Variants in ANKRD30B observed in about 807,000 individuals in gnomAD.
ANKRD30B encodes ankyrin repeat domain-containing protein 30B.
ANKRD30B carries 144 observed loss-of-function variants against 202.2 expected under a neutral mutation model. The ratio of observed to expected loss-of-function variants is 0.71; its 90% CI spans 0.62 to 0.82. ANKRD30B has a LOEUF of 0.82. Ranked by LOEUF, ANKRD30B falls within the 40% of genes least tolerant of loss-of-function variation. ANKRD30B has a pLI of 0.00. For missense variants in ANKRD30B, 1,487 were observed against 1,669.1 expected, an observed-to-expected ratio of 0.89 and a Z score of 1.90; for synonymous variants, 508 against 561.3, an observed-to-expected ratio of 0.91 and a Z score of 1.34.
intron 7 of ANKRD30B, among the ~76,000 whole-genome samples, chr18:14,767,692 TCAGAAA>T (rs1215719791): frequency 1.5e-5 from 2 of 133,120 alleles, no homozygotes; most frequent in African/African-American, 3.0e-5. Context: ...TGGTTGGGAC[TCAGAAA>T]CAGACCATTT....
chr18:14,838,010 C>T (rs149577014), intron 36 of ANKRD30B, among the ~76,000 whole-genome samples: 2,426 of 152,066 alleles, frequency 0.016, 68 homozygotes, highest in African/African-American at 0.056. Context: ...AGCGAGACTC[C>T]ATCTCAAAAA....
chr18:14,788,665 A>G (rs1427100072), intron 15 of ANKRD30B, among the ~76,000 whole-genome samples: 3 of 151,940 alleles, frequency 2.0e-5, no homozygotes, highest in African/African-American at 7.3e-5. Context: ...TGTTGTTGCA[A>G]TAGTTTACTG....
rs571183791 is a variant in ANKRD30B at position 14,803,869 on chromosome 18, C to T, written c.2284+45C>T. On this transcript the variant is annotated intron_variant, in intron 24 of 43. Transcript: ENST00000690538. ...TAAAAAGTCATTTGACCAAATGTTT[C>T]TCTGAACTGATGAGGAGGGATATCC... is the stretch of plus-strand genomic sequence containing the variant. 3.2e-5 allele frequency: 48 copies of T among 1,488,356 alleles called. 2 individuals carry two copies. The South Asian group carries it at 5.6e-4, about 17-fold the overall frequency. The allele number at this position is 1,488,356 out of a possible 1,614,324, so 92.2% of individuals were successfully genotyped here.
rs180682411 is a variant in ANKRD30B at position 14,823,488 on chromosome 18, G to T, written c.2743+811G>T. The stretch of plus-strand genomic sequence containing the variant: ...TTCTTGTTTTTCTGATTAGGTGATT[G>T]TGTGTGTGTGCGTGTGTGACTTATA... On this transcript the variant is annotated intron_variant, in intron 32 of 43. Transcript: ENST00000690538. Among the ~76,000 whole-genome samples, 258 of 151,784 alleles carry T rather than the reference G, an allele frequency of 1.7e-3. 1 individual carries two copies. Among genetic ancestry groups the T allele is most frequent in the African/African-American group, 5.7e-3 (237 of 41,388 alleles).
chr18:14,860,349 G>T, the ANKRD30B span, among the ~76,000 whole-genome samples: 2 of 103,818 alleles, frequency 1.9e-5, no homozygotes, highest in African/African-American at 7.4e-5. Context: ...TCCCAGACAG[G>T]GCTGCCGGGC....
intron 30 of ANKRD30B, among the ~76,000 whole-genome samples, chr18:14,819,770 G>C (rs1300183199): frequency 1.3e-5 from 2 of 152,162 alleles, no homozygotes; most frequent in African/African-American, 2.4e-5. Context: ...CTGTAGCCTT[G>C]TAGTATAGTT....
chr18:14,935,043 A>G, the ANKRD30B span, among the ~76,000 whole-genome samples: 2 of 152,082 alleles, frequency 1.3e-5, no homozygotes, highest in Non-Finnish European at 2.9e-5. Flanking sequence ...GCTCAGGCCA[A>G]CCCACCCCAC....
intron 24 of ANKRD30B, among the ~76,000 whole-genome samples, chr18:14,807,024 C>T (rs1036424685): frequency 6.6e-6 from 1 of 150,932 alleles, no homozygotes; most frequent in African/African-American, 2.4e-5. Flanking sequence ...CACTTTTTTT[C>T]TAAAACACAT....
At chr18:14,770,252 G>C (rs796783070) in intron 8 of ANKRD30B, among the ~76,000 whole-genome samples, 1 of 151,966 alleles carries the variant, frequency 6.6e-6, no homozygotes, top group Non-Finnish European at 1.5e-5. Flanking sequence ...TAAAAGGCAC[G>C]TGGAATTTTA....
chr18:14,837,876 C>T (rs1416689706), intron 36 of ANKRD30B, among the ~76,000 whole-genome samples, 200 bp downstream of exon 36: 7 of 152,220 alleles, frequency 4.6e-5, no homozygotes, highest in Admixed American at 1.3e-4. Flanking sequence ...TTTAGCTGGG[C>T]ATGGTGGCGG....
the ANKRD30B span, chr18:14,888,720 G>T: frequency 2.2e-5 from 18 of 836,948 alleles, no homozygotes; most frequent in Non-Finnish European, 1.8e-5. Context: ...TATTGCCATA[G>T]GAAGAACGTG....
At chr18:14,882,027 G>C in the ANKRD30B span, among the ~76,000 whole-genome samples, 2 of 151,938 alleles carry the variant, frequency 1.3e-5, no homozygotes, top group Admixed American at 1.3e-4. Context: ...ATGGTCTATC[G>C]ATTTTATTTA....
the ANKRD30B span, among the ~76,000 whole-genome samples, chr18:14,873,977 G>C: frequency 3.9e-5 from 6 of 152,124 alleles, no homozygotes; most frequent in African/African-American, 1.4e-4. Flanking sequence ...TTTGTATGTG[G>C]TAAGGTGGCT....
chr18:14,896,449 T>G, the ANKRD30B span, among the ~76,000 whole-genome samples: 1 of 151,860 alleles, frequency 6.6e-6, no homozygotes, highest in Admixed American at 6.6e-5. Context: ...CAATTATTTT[T>G]TTAAATCTAA....
At chr18:14,753,607 T>C (rs1254999731) in intron 3 of ANKRD30B, among the ~76,000 whole-genome samples, 1 of 152,174 alleles carries the variant, frequency 6.6e-6, no homozygotes, top group Non-Finnish European at 1.5e-5. Context: ...TGATAGCTGT[T>C]TATAATATAT....
chr18:14,916,800 A>C, the ANKRD30B span, among the ~76,000 whole-genome samples: 1 of 152,228 alleles, frequency 6.6e-6, no homozygotes, highest in Non-Finnish European at 1.5e-5. Context: ...CCTGGGTGTT[A>C]CTTGACCCTG....
At chr18:14,816,934 G>C (rs1440099963) in intron 30 of ANKRD30B, 2 of 152,160 alleles carry the variant, frequency 1.3e-5, no homozygotes, top group Admixed American at 6.5e-5. Context: ...GACACAGGAA[G>C]GGGAACATCA....
At chr18:14,925,422 C>G in the ANKRD30B span, among the ~76,000 whole-genome samples, 2 of 152,252 alleles carry the variant, frequency 1.3e-5, no homozygotes, top group Non-Finnish European at 2.9e-5. Context: ...AAATGTCCAG[C>G]TCCTTTCCTC....
intron 7 of ANKRD30B, among the ~76,000 whole-genome samples, chr18:14,767,338 C>G (rs1916400158): frequency 6.6e-6 from 1 of 152,090 alleles, no homozygotes. Flanking sequence ...CCTATATATA[C>G]ATGTTTTTTC....
Sources: allele counts gnomAD v4.1 joint callset (sites outside exome capture counted in the v4.1 genomes callset), GRCh38; gene constraint gnomAD v4.1.1; transcripts MANE v1.5; gene names NCBI Gene and HGNC (gene_info 2026-07-23, HGNC 2026-07-21).